CHL1: variants seen among roughly 807,000 people sequenced by gnomAD.
The protein encoded by CHL1 is cell adhesion molecule L1 like.
In CHL1, 96 loss-of-function variants were observed where a neutral mutation model predicts 141.9. That is an observed-to-expected ratio of 0.68 (90% confidence interval 0.57 to 0.80). The LOEUF is 0.80. CHL1 is among the 30% of genes least tolerant of loss of function. The probability of loss-of-function intolerance (pLI) is 0.00; values close to 1 mark genes in which losing one functional copy is unlikely to be tolerated. For missense variants in CHL1, 1,820 were observed against 1,457.2 expected (o/e 1.25, Z -4.05); for synonymous variants, 613 against 502.2 (o/e 1.22, Z -2.95).
At chr3:319,057 C>A (rs754285463) in intron 2 of CHL1, among the ~76,000 whole-genome samples, 6 of 150,388 alleles carry the variant, frequency 4.0e-5, no homozygotes, top group Admixed American at 6.6e-5. Flanking sequence ...TAACTCAGGA[C>A]CAGAAAACCA....
chr3:404,403 A>T lies in CHL1; in HGVS notation c.3459-1092A>T, dbSNP rs544761235. On this transcript the variant is annotated intron_variant, in intron 27 of 27. Coordinates refer to ENST00000256509, the MANE Select transcript of CHL1 (RefSeq NM_006614.4). ...TTTTTCCAAATGCTTCATTGATCAA[A>T]TTTGATAAAATCATTTTATATGGTG... 2.0e-5 allele frequency among the ~76,000 whole-genome samples: 3 copies of T among 152,298 alleles called. No homozygotes were observed. The South Asian group carries it at 6.2e-4, about 32-fold the overall frequency.
Position 382,459 on chromosome 3 carries a change from T to G in CHL1, c.1979-15T>G. The G allele has an allele frequency of 6.2e-7, 1 of 1,605,412 alleles. No individual in the cohort carries two copies. Among genetic ancestry groups the G allele is most frequent in the Non-Finnish European group, 8.5e-7 (1 of 1,172,344 alleles). ...TCCATACATTCTAATATTTTTTCCC[T>G]GTTTATACTACCAGAGTATATTGTT... On this transcript the variant is annotated splice_polypyrimidine_tract_variant and intron_variant, in intron 17 of 27. Coordinates refer to ENST00000256509, the MANE Select transcript of CHL1 (RefSeq NM_006614.4).
chr3:402,376 G>A (rs140487711), intron 27 of CHL1, among the ~76,000 whole-genome samples: 4 of 152,222 alleles, frequency 2.6e-5, no homozygotes, highest in African/African-American at 7.2e-5. Context: ...AATCTTTCGG[G>A]GACGTGTTAA....
Position 338,898 on chromosome 3 carries a change from G to GA in CHL1, c.386-1896_386-1895insA, listed in dbSNP as rs1702145824. ...GCAGTACTATCTGTTCGAATTGCTA[G>GA]GTTTTTTTTAACGCTCTCAGGGAGC... is the stretch of plus-strand genomic sequence containing the variant. On this transcript the variant is annotated intron_variant, in intron 5 of 27. Coordinates refer to ENST00000256509, the MANE Select transcript of CHL1 (RefSeq NM_006614.4). Among the ~76,000 whole-genome samples the GA allele has an allele frequency of 2.6e-5, 4 of 152,068 alleles. No individual in the cohort carries two copies. In the South Asian group the frequency reaches 6.2e-4, roughly 24 times the overall value.
chr3:270,832 G>A (rs904362416), intron 2 of CHL1, among the ~76,000 whole-genome samples: 2 of 152,218 alleles, frequency 1.3e-5, no homozygotes, highest in African/African-American at 4.8e-5. Flanking sequence ...CCAACTGGGA[G>A]CTCAGCTGGA....
chr3:203,850 T>C (rs556867000), intron 1 of CHL1, among the ~76,000 whole-genome samples: 2 of 152,242 alleles, frequency 1.3e-5, no homozygotes, highest in African/African-American at 4.8e-5. Context: ...CAGAGCAGGA[T>C]GGAGGAAGGC....
chr3:273,355 A>C (rs1203706310), intron 2 of CHL1, among the ~76,000 whole-genome samples: 1 of 152,198 alleles, frequency 6.6e-6, no homozygotes, highest in Non-Finnish European at 1.5e-5. Flanking sequence ...TTCCTTACCC[A>C]AGAACCTGAA....
intron 5 of CHL1, among the ~76,000 whole-genome samples, chr3:337,514 C>G (rs1220773867): frequency 2.0e-5 from 3 of 150,984 alleles, no homozygotes; most frequent in African/African-American, 4.9e-5. Context: ...TATCCCTCCC[C>G]TCTCCCCCCA....
intron 2 of CHL1, among the ~76,000 whole-genome samples, chr3:270,894 C>G (rs1025356324): frequency 2.0e-5 from 3 of 152,166 alleles, no homozygotes; most frequent in African/African-American, 7.2e-5. Flanking sequence ...ACAGCAGTCT[C>G]AGGGTAGTTG....
At chr3:258,091 C>G (rs533811394) in intron 2 of CHL1, among the ~76,000 whole-genome samples, 1 of 152,272 alleles carries the variant, frequency 6.6e-6, no homozygotes, top group Admixed American at 6.5e-5. Context: ...AGGGAGCAAA[C>G]CTTGAAAACA....
chr3:227,956 T>G (rs1487324737), intron 1 of CHL1, among the ~76,000 whole-genome samples: 2 of 152,220 alleles, frequency 1.3e-5, no homozygotes, highest in Admixed American at 1.3e-4. Context: ...AACACCCACA[T>G]CTATCTATCC....
At chr3:280,817 A>G (rs926765731) in intron 2 of CHL1, among the ~76,000 whole-genome samples, 1 of 152,096 alleles carries the variant, frequency 6.6e-6, no homozygotes, top group Non-Finnish European at 1.5e-5. Flanking sequence ...TAGAGTGGAA[A>G]TAACTTTCCT....
intron 1 of CHL1, among the ~76,000 whole-genome samples, chr3:237,211 TAGTG>T (rs1559315370): frequency 6.6e-6 from 1 of 152,190 alleles, no homozygotes; most frequent in Non-Finnish European, 1.5e-5. Context: ...GTTCTCATGA[TAGTG>T]AGTGAGGTCT....
chr3:295,448 C>A (rs914981673), intron 2 of CHL1, among the ~76,000 whole-genome samples: 2 of 152,060 alleles, frequency 1.3e-5, no homozygotes, highest in African/African-American at 4.8e-5. Context: ...AAAAGTGATA[C>A]AATCATCAGA....
chr3:235,874 C>G (rs1224029934), intron 1 of CHL1, among the ~76,000 whole-genome samples: 1 of 152,108 alleles, frequency 6.6e-6, no homozygotes, highest in Non-Finnish European at 1.5e-5. Context: ...CAAGAGATGC[C>G]TCTGCCGTCA....
chr3:319,720 G>A lies in CHL1; in HGVS notation c.-57G>A. On this transcript the variant is annotated 5_prime_UTR_variant, in exon 3 of 28. In the 5' UTR this introduces an upstream ATG that the reference lacks. Coordinates refer to ENST00000256509, the MANE Select transcript of CHL1 (RefSeq NM_006614.4). The stretch of plus-strand genomic sequence containing the variant: ...CTAAGGTCTCAGCTGTAAACCAAAA[G>A]TGAGAGGAGACATTAAGATTTTCAT... 8.7e-7 allele frequency: 1 copy of A among 1,154,424 alleles called. No homozygotes were observed. The highest frequency in any genetic ancestry group is 1.3e-5 in the South Asian group (1 of 77,280). 71.5% of individuals were successfully genotyped at this position (1,154,424 alleles called of 1,614,324 possible).
chr3:257,344 T>TTTC (rs987899531), intron 2 of CHL1, among the ~76,000 whole-genome samples: 1 of 150,092 alleles, frequency 6.7e-6, no homozygotes, highest in African/African-American at 2.5e-5. Context: ...CTTTTCTTCT[T>TTTC]TTCTTCTTCT....
intron 14 of CHL1, among the ~76,000 whole-genome samples, chr3:365,370 G>A (rs1305015163): frequency 6.6e-6 from 1 of 152,134 alleles, no homozygotes; most frequent in African/African-American, 2.4e-5. Context: ...TCATTCAAAA[G>A]GAGACTTAAC....
intron 1 of CHL1, among the ~76,000 whole-genome samples, chr3:207,667 T>C (rs527809024): frequency 1.3e-5 from 2 of 152,338 alleles, no homozygotes; most frequent in African/African-American, 2.4e-5. Context: ...TTGAGACATA[T>C]ACTATTTTCC....
Sources: gnomAD v4.1 joint callset for allele counts (sites outside exome capture counted in the v4.1 genomes callset) on GRCh38, gnomAD v4.1.1 for gene constraint, MANE v1.5 for transcripts, NCBI Gene and HGNC (gene_info 2026-07-23, HGNC 2026-07-21) for gene names.